TOMM34: variants seen among roughly 807,000 people sequenced by gnomAD.
The protein encoded by TOMM34 is translocase of outer mitochondrial membrane 34.
In TOMM34, 24 loss-of-function variants were observed where a neutral mutation model predicts 37.4. The ratio of observed to expected loss-of-function variants is 0.64; its 90% CI spans 0.46 to 0.90. The LOEUF is 0.90. Ranked by LOEUF, TOMM34 falls within the 40% of genes least tolerant of loss-of-function variation. The probability of loss-of-function intolerance (pLI) is 0.00; values close to 1 mark genes in which losing one functional copy is unlikely to be tolerated. For missense variants in TOMM34, 304 were observed against 375.6 expected, an observed-to-expected ratio of 0.81 and a Z score of 1.58; for synonymous variants, 154 against 148.9, an observed-to-expected ratio of 1.03 and a Z score of -0.25.
At chr20:44,957,219 G>C (rs2067081691) in intron 1 of TOMM34, among the ~76,000 whole-genome samples, 1 of 152,056 alleles carries the variant, frequency 6.6e-6, no homozygotes, top group Non-Finnish European at 1.5e-5. Flanking sequence ...ACAGAGTCCT[G>C]CTCTGTTGCC....
intron 4 of TOMM34, among the ~76,000 whole-genome samples, chr20:44,951,367 T>C (rs1158292527): frequency 6.6e-6 from 1 of 152,164 alleles, no homozygotes; most frequent in East Asian, 1.9e-4. Context: ...AAAGCTGTGA[T>C]AAGTACAGAA....
At position 44,943,007 on chromosome 20, in the gene TOMM34, C is replaced by T; in HGVS notation, c.*102G>A. On this transcript the variant is annotated 3_prime_UTR_variant, in exon 7 of 7. Transcript: ENST00000372813. ...AGGGATTGAGGAGGGGGCTTCAGAGCTCACTTGGGGCATGCTGGGTTTCAG... is the reference window on the plus strand; with the variant it reads ...AGGGATTGAGGAGGGGGCTTCAGAGTTCACTTGGGGCATGCTGGGTTTCAG... The T allele has an allele frequency of 1.8e-6, 2 of 1,107,814 alleles. No homozygotes were observed. The highest frequency in any genetic ancestry group is 2.7e-6 in the Non-Finnish European group (2 of 737,766). 68.6% of individuals were successfully genotyped at this position (1,107,814 alleles called of 1,614,324 possible).
At chr20:44,954,847 G>A (rs2067056945) in intron 3 of TOMM34, among the ~76,000 whole-genome samples, 1 of 152,202 alleles carries the variant, frequency 6.6e-6, no homozygotes, top group Non-Finnish European at 1.5e-5. Context: ...TGAGGCACAT[G>A]TAGGCAAATA....
chr20:44,953,969 T>C (rs1300644708), intron 3 of TOMM34, among the ~76,000 whole-genome samples: 1 of 152,228 alleles, frequency 6.6e-6, no homozygotes, highest in Non-Finnish European at 1.5e-5. Flanking sequence ...CTTGTGTGAC[T>C]TGGCCTCACC....
intron 1 of TOMM34, chr20:44,958,274 G>C: frequency 2.2e-6 from 1 of 454,322 alleles, no homozygotes; most frequent in Non-Finnish European, 4.6e-6. Context: ...TTGCCATGTT[G>C]ATATTTGATA....
At chr20:44,943,785 T>C (rs1205576493) in intron 5 of TOMM34, among the ~76,000 whole-genome samples, 1 of 152,152 alleles carries the variant, frequency 6.6e-6, no homozygotes, top group African/African-American at 2.4e-5. Flanking sequence ...TTGGGCCAGG[T>C]ACCGCCAGTA....
chr20:44,960,092 G>C, intron 1 of TOMM34, 115 bp downstream of exon 1: 2 of 1,417,788 alleles, frequency 1.4e-6, no homozygotes, highest in Non-Finnish European at 1.8e-6. Flanking sequence ...GAGTCGGAAG[G>C]GGCTGGAAGG....
intron 3 of TOMM34, among the ~76,000 whole-genome samples, chr20:44,953,734 A>G (rs1403162264): frequency 6.6e-6 from 1 of 152,076 alleles, no homozygotes; most frequent in Non-Finnish European, 1.5e-5. Context: ...GCTTGTTGAT[A>G]TACTTCCTAC....
intron 4 of TOMM34, 50 bp from the exon 5 acceptor site, chr20:44,948,927 GA>G: frequency 6.3e-7 from 1 of 1,595,196 alleles, no homozygotes; most frequent in Non-Finnish European, 8.5e-7. Context: ...GCACCCAACT[GA>G]GATCAGTGAG....
At chr20:44,960,016 G>T in intron 1 of TOMM34, 191 bp downstream of exon 1, 1 of 985,336 alleles carries the variant, frequency 1.0e-6, no homozygotes, top group Non-Finnish European at 1.2e-6. Context: ...CTTAGGATGG[G>T]GGCCAACAGG....
chr20:44,945,473 C>CACCTTGGT (rs2066972522), intron 5 of TOMM34, among the ~76,000 whole-genome samples: 1 of 152,176 alleles, frequency 6.6e-6, no homozygotes, highest in Non-Finnish European at 1.5e-5. Flanking sequence ...TTGCAGCTTC[C>CACCTTGGT]ACCTTGGTCT....
At chr20:44,944,156 G>A (rs182902504) in intron 5 of TOMM34, among the ~76,000 whole-genome samples, 1 of 152,318 alleles carries the variant, frequency 6.6e-6, no homozygotes, top group African/African-American at 2.4e-5. Flanking sequence ...AGGTCTATGG[G>A]TGTTCAATGT....
intron 4 of TOMM34, 48 bp from the exon 5 acceptor site, chr20:44,948,925 C>G: frequency 6.3e-7 from 1 of 1,599,482 alleles, no homozygotes; most frequent in East Asian, 2.2e-5. Context: ...CAGCACCCAA[C>G]TGAGATCAGT....
rs1235048936 is a variant in TOMM34, at chr20:44,958,235, G to C, written c.128-1750C>G. On this transcript the variant is annotated intron_variant, in intron 1 of 6. Coordinates refer to ENST00000372813, the MANE Select transcript of TOMM34 (RefSeq NM_006809.5). ...GAGGCATCATATTGCCTATCCTTCT[G>C]CAACTTACTTTTTTCACTCAGTATC... 5 of 411,056 alleles carry C rather than the reference G, an allele frequency of 1.2e-5. No homozygotes were observed. The Admixed American group carries it at 1.4e-4, about 12-fold the overall frequency. The allele number at this position is 411,056 out of a possible 1,614,324, so 25.5% of individuals were successfully genotyped here.
chr20:44,952,748 G>T, intron 3 of TOMM34: 1 of 710,360 alleles, frequency 1.4e-6, no homozygotes, highest in South Asian at 1.5e-5. Flanking sequence ...GTTATGTGTT[G>T]AATGAGTGAA....
intron 3 of TOMM34, among the ~76,000 whole-genome samples, chr20:44,952,946 A>C (rs1320237367): frequency 6.6e-6 from 1 of 152,008 alleles, no homozygotes; most frequent in Non-Finnish European, 1.5e-5. Context: ...TTTTAGAGCA[A>C]ACTTCCTCAT....
At position 44,951,873 on chromosome 20, in the gene TOMM34, AG is replaced by A. The variant is rs2067029271; in HGVS notation, c.509del (p.Ala170ValfsTer27). 6.2e-7 allele frequency: 1 copy of A among 1,613,934 alleles called. No homozygotes were observed. Among genetic ancestry groups the A allele is most frequent in the African/African-American group, 1.3e-5 (1 of 74,906 alleles). On this transcript the variant is annotated frameshift_variant, in exon 4 of 7. Transcript: ENST00000372813. LOFTEE classifies it high-confidence loss of function. ...SLPSENHKEM[A>X]KSKSKETTAT... ...CTGTGGTTTCTTTGGATTTGCTTTT[AG>A]CCATCTCTTTGTGGTTCTCCGAAGG...
chr20:44,947,229 T>C (rs1001906003), intron 5 of TOMM34, among the ~76,000 whole-genome samples: 1 of 152,216 alleles, frequency 6.6e-6, no homozygotes, highest in African/African-American at 2.4e-5. Flanking sequence ...GTGGCCCCTC[T>C]GGTCCAATCA....
At chr20:44,950,674 TAGAGA>T (rs1220176144) in intron 4 of TOMM34, among the ~76,000 whole-genome samples, 1 of 152,350 alleles carries the variant, frequency 6.6e-6, no homozygotes, top group African/African-American at 2.4e-5. Context: ...ATTTTCATCC[TAGAGA>T]AGAGTGGGGA....
Sources: gnomAD v4.1 joint callset for allele counts (sites outside exome capture counted in the v4.1 genomes callset) on GRCh38, gnomAD v4.1.1 for gene constraint, MANE v1.5 for transcripts, NCBI Gene and HGNC (gene_info 2026-07-23, HGNC 2026-07-21) for gene names.